The following MRC2 variants were observed in gnomAD, a reference collection of about 807,000 sequenced individuals.
MRC2 encodes the protein mannose receptor C-type 2, also known as C-type mannose receptor 2.
A neutral mutation model predicts 206.2 loss-of-function variants in MRC2; 84 were observed. The ratio of observed to expected loss-of-function variants is 0.41; its 90% CI spans 0.34 to 0.49. The LOEUF (loss-of-function observed/expected upper bound fraction) is 0.49. Among genes scored for constraint, MRC2 ranks in the 20% least tolerant of loss-of-function variants. MRC2 has a pLI of 0.31. For synonymous variants in MRC2, 798 were observed against 800.0 expected (o/e 1.00, Z 0.04); for missense variants, 1,676 against 2,001.5 (o/e 0.84, Z 3.10).
chr17:62,680,001 C>T lies in MRC2; in HGVS notation c.2298+99C>T. On this transcript the variant is annotated intron_variant, in intron 14 of 29. Transcript: ENST00000303375. The surrounding 1 kb of genome is among the most constrained non-coding windows in gnomAD (Gnocchi z 4.8). ...GGAGGTGGGCGGGTTTTCTTGAGGG[C>T]CGGGCCCCCAGTCGGAGCCGGCTTC... is the stretch of plus-strand genomic sequence containing the variant. The T allele has an allele frequency of 6.9e-7, 1 of 1,458,984 alleles. No homozygotes were observed. Among genetic ancestry groups the T allele is most frequent in the Non-Finnish European group, 9.2e-7 (1 of 1,081,730 alleles). 90.4% of individuals were successfully genotyped at this position (1,458,984 alleles called of 1,614,324 possible).
intron 1 of MRC2, among the ~76,000 whole-genome samples, chr17:62,645,518 TATATA>T (rs1568052122): frequency 1.4e-3 from 96 of 69,774 alleles, no homozygotes; most frequent in Non-Finnish European, 2.2e-3. Flanking sequence ...TATATATATA[TATATA>T]TATATTTTTT....
chr17:62,686,711 A>G (rs1255332879), intron 20 of MRC2, among the ~76,000 whole-genome samples: 1 of 151,756 alleles, frequency 6.6e-6, no homozygotes, highest in African/African-American at 2.4e-5. Flanking sequence ...TGAGCTGAAT[A>G]CCCTCCCCCT....
rs144142657 is a variant in MRC2, at chr17:62,688,931, C to T, written c.3305C>T (p.Thr1102Ile). The change falls in exon 23 of 30, where the codon ACC (threonine) becomes ATC (isoleucine). Residue 1102 changes from threonine (T) to isoleucine (I), a missense_variant. Physicochemically the swap from Thr to Ile is moderately conservative, Grantham distance 89 (BLOSUM62 -1). This residue lies in a region of MRC2 where 1,354 missense variants were observed against 1,636.6 expected (regional missense o/e 0.83). Coordinates refer to ENST00000303375, the MANE Select transcript of MRC2 (RefSeq NM_006039.5). ...GACGATCGGAGCTGCACGGAGGAGA[C>T]CCATGGCTTCATCTGCCAGAAGGGC... ...RWDDRSCTEE[T>I]HGFICQKGTD... is the part of the protein sequence containing the mutation. 211 of 1,613,682 alleles carry T rather than the reference C, an allele frequency of 1.3e-4. No individual in the cohort carries two copies. Among genetic ancestry groups the T allele is most frequent in the Non-Finnish European group, 1.7e-4 (199 of 1,179,988 alleles).
chr17:62,646,332 C>T (rs555645442), intron 1 of MRC2, among the ~76,000 whole-genome samples: 8 of 151,786 alleles, frequency 5.3e-5, no homozygotes, highest in Non-Finnish European at 1.2e-4. Context: ...CCCCCTCTCT[C>T]TCTTTTTTTA....
chr17:62,665,781 C>T (rs767610334), intron 2 of MRC2, among the ~76,000 whole-genome samples: 8 of 152,176 alleles, frequency 5.3e-5, no homozygotes, highest in Non-Finnish European at 8.8e-5. Context: ...AGCAGAGATT[C>T]CACCGGGCTC....
chr17:62,637,955 C>G (rs1218129932), intron 1 of MRC2, among the ~76,000 whole-genome samples: 1 of 152,170 alleles, frequency 6.6e-6, no homozygotes, highest in East Asian at 1.9e-4. Context: ...GCCTCGACCT[C>G]CTGGGCTCAG....
At chr17:62,691,561 G>A (rs1302733155) in intron 28 of MRC2, among the ~76,000 whole-genome samples, 4 of 152,076 alleles carry the variant, frequency 2.6e-5, no homozygotes, top group Non-Finnish European at 4.4e-5. Flanking sequence ...CTTGAGGTCA[G>A]GGGTTCAAGA....
chr17:62,670,410 T>C (rs2088813201), intron 6 of MRC2, among the ~76,000 whole-genome samples: 1 of 152,234 alleles, frequency 6.6e-6, no homozygotes, highest in African/African-American at 2.4e-5. Flanking sequence ...CACCGGGCTC[T>C]CAGTCCGCCC....
rs2088951405 is a variant in MRC2, at chr17:62,680,560, G to A, written c.2473+107G>A. On this transcript the variant is annotated intron_variant, in intron 16 of 29. Coordinates refer to ENST00000303375, the MANE Select transcript of MRC2 (RefSeq NM_006039.5). This position sits in a 1 kb window ranked among gnomAD's most constrained non-coding sequence, Gnocchi z 4.8. ...GAAATGGAGGGGATGAGGAGTTCCG[G>A]TCGAGAGAAGGGGGACGGGGTTGGC... is the stretch of plus-strand genomic sequence containing the variant. 6.7e-7 allele frequency: 1 copy of A among 1,491,236 alleles called. No homozygotes were observed. The allele number at this position is 1,491,236 out of a possible 1,614,324, so 92.4% of individuals were successfully genotyped here.
At chr17:62,630,296 C>G (rs1180944392) in intron 1 of MRC2, among the ~76,000 whole-genome samples, 1 of 152,136 alleles carries the variant, frequency 6.6e-6, no homozygotes, top group Non-Finnish European at 1.5e-5. Context: ...TGATAACAAC[C>G]CAAGGAGATG....
chr17:62,661,116 C>T (rs898253100), intron 1 of MRC2, among the ~76,000 whole-genome samples: 1 of 152,116 alleles, frequency 6.6e-6, no homozygotes, highest in East Asian at 1.9e-4. Flanking sequence ...AACAGCCAGG[C>T]TTGTTCAAGG....
intron 10 of MRC2, 131 bp from the exon 11 acceptor site, chr17:62,676,252 G>A: frequency 8.7e-7 from 1 of 1,148,418 alleles, no homozygotes. Context: ...AGGGCTCCCA[G>A]GCGTCCCTGC....
At chr17:62,645,183 G>T (rs1165340112) in intron 1 of MRC2, among the ~76,000 whole-genome samples, 3 of 151,894 alleles carry the variant, frequency 2.0e-5, no homozygotes, top group Non-Finnish European at 4.4e-5. Flanking sequence ...TGAGAAATGG[G>T]AGACCCCATT....
intron 1 of MRC2, among the ~76,000 whole-genome samples, chr17:62,643,352 A>AAAG (rs1174041871): frequency 5.3e-5 from 8 of 151,662 alleles, no homozygotes; most frequent in Non-Finnish European, 1.2e-4. Context: ...AAAAAAGAAA[A>AAAG]AGAAAAGAAA....
chr17:62,629,391 C>CCGGTCAGGGAGGACAAGGA (rs1306442608), intron 1 of MRC2, among the ~76,000 whole-genome samples: 1 of 152,180 alleles, frequency 6.6e-6, no homozygotes, highest in Non-Finnish European at 1.5e-5. Flanking sequence ...GGTGAGAGGC[C>CCGGTCAGGGAGGACAAGGA]CGGTCAGGGA....
intron 13 of MRC2, chr17:62,679,448 C>G (rs561351257): frequency 5.6e-6 from 1 of 179,980 alleles, no homozygotes; most frequent in Non-Finnish European, 1.2e-5. Context: ...AACTCCAGAG[C>G]CGTAGATCCC....
intron 1 of MRC2, among the ~76,000 whole-genome samples, chr17:62,628,496 C>T (rs2084188872): frequency 6.6e-6 from 1 of 152,190 alleles, no homozygotes; most frequent in Non-Finnish European, 1.5e-5. Context: ...ATCCGCCCCG[C>T]GTGAGCTCGG....
At position 62,680,658 on chromosome 17, in the gene MRC2, C is replaced by A; in HGVS notation, c.2474-142C>A. The A allele has an allele frequency of 1.6e-6, 2 of 1,283,030 alleles. No homozygotes were observed. Among genetic ancestry groups the A allele is most frequent in the South Asian group, 1.5e-5 (1 of 64,892 alleles). 79.5% of individuals were successfully genotyped at this position (1,283,030 alleles called of 1,614,324 possible). A position where few individuals can be genotyped will look rare whatever the true frequency, so the allele number is the denominator to read the frequency against. ...GGCAAGCCTGGGGCCTGGGGCCTGGCACGGTGCCTGCCTGGGTCCGGTGTG... is the reference window on the plus strand; with the variant it reads ...GGCAAGCCTGGGGCCTGGGGCCTGGAACGGTGCCTGCCTGGGTCCGGTGTG... On this transcript the variant is annotated intron_variant, in intron 16 of 29. Coordinates refer to ENST00000303375, the MANE Select transcript of MRC2 (RefSeq NM_006039.5). This position sits in a 1 kb window ranked among gnomAD's most constrained non-coding sequence, Gnocchi z 4.8.
chr17:62,648,185 C>T (rs1253671475), intron 1 of MRC2, among the ~76,000 whole-genome samples: 2 of 152,226 alleles, frequency 1.3e-5, no homozygotes, highest in East Asian at 3.9e-4. Flanking sequence ...GGGCGGATCA[C>T]TTGAGGTCAG....
Sources: allele counts gnomAD v4.1 joint callset (sites outside exome capture counted in the v4.1 genomes callset), GRCh38; gene constraint gnomAD v4.1.1; regional missense constraint gnomAD v4.1.1; non-coding constraint Gnocchi (gnomAD v3.1); transcripts MANE v1.5; gene names NCBI Gene and HGNC (gene_info 2026-07-23, HGNC 2026-07-21).